ANKS1A: variants seen among roughly 807,000 people sequenced by gnomAD.
The protein encoded by ANKS1A is ankyrin repeat and SAM domain-containing protein 1A.
A neutral mutation model predicts 120.3 loss-of-function variants in ANKS1A; 55 were observed. That is an observed-to-expected ratio of 0.46 (90% CI 0.37 to 0.57). The LOEUF is 0.57. Ranked by LOEUF, ANKS1A falls within the 20% of genes least tolerant of loss-of-function variation. The pLI is 0.00. For synonymous variants in ANKS1A, 590 were observed against 604.7 expected (o/e 0.98, Z 0.36); for missense variants, 1,123 against 1,480.3 (o/e 0.76, Z 3.96).
At chr6:35,093,302 G>C (rs192970343), downstream of ANKS1A, among the ~76,000 whole-genome samples, 25 of 152,258 alleles carry the variant, frequency 1.6e-4, no homozygotes, top group African/African-American at 6.0e-4. Flanking sequence ...GGAGGAGGGA[G>C]TGCAGGGAGA....
At chr6:34,910,349 G>A (rs1197056791) in intron 1 of ANKS1A, among the ~76,000 whole-genome samples, 1 of 152,098 alleles carries the variant, frequency 6.6e-6, no homozygotes, top group East Asian at 1.9e-4. Flanking sequence ...AGGATTGCTC[G>A]AGCTCAGGAG....
At chr6:34,998,938 C>T (rs1289959629) in intron 10 of ANKS1A, among the ~76,000 whole-genome samples, 1 of 152,216 alleles carries the variant, frequency 6.6e-6, no homozygotes, top group Non-Finnish European at 1.5e-5. Context: ...CGGGGGACTC[C>T]AACCAGCCAA....
At chr6:35,061,479 A>G (rs987506606) in intron 13 of ANKS1A, among the ~76,000 whole-genome samples, 1 of 151,916 alleles carries the variant, frequency 6.6e-6, no homozygotes. Context: ...TCTGTTCTCT[A>G]ATGGGGGCTT....
At chr6:34,921,277 T>C (rs974119233) in intron 1 of ANKS1A, among the ~76,000 whole-genome samples, 1 of 152,222 alleles carries the variant, frequency 6.6e-6, no homozygotes, top group African/African-American at 2.4e-5. Flanking sequence ...CATAGTCTCT[T>C]CTGAACACAT....
At chr6:35,004,832 GAA>G (rs1773370351) in intron 10 of ANKS1A, among the ~76,000 whole-genome samples, 1 of 152,196 alleles carries the variant, frequency 6.6e-6, no homozygotes. Flanking sequence ...AAAAAAGAAA[GAA>G]AGTGTGGTGT....
At chr6:34,891,702 A>G (rs1581651930) in intron 1 of ANKS1A, among the ~76,000 whole-genome samples, 1 of 151,630 alleles carries the variant, frequency 6.6e-6, no homozygotes, top group South Asian at 2.1e-4. Context: ...ATCTCAGCTC[A>G]CTGCAACCTT....
At chr6:35,038,654 T>G (rs1352478115) in intron 11 of ANKS1A, among the ~76,000 whole-genome samples, 1 of 151,852 alleles carries the variant, frequency 6.6e-6, no homozygotes, top group Non-Finnish European at 1.5e-5. Flanking sequence ...GCTGTTTTTG[T>G]TTTTGTTTTT....
At chr6:34,890,108 T>G (rs2127436959) in intron 1 of ANKS1A, among the ~76,000 whole-genome samples, 1 of 151,532 alleles carries the variant, frequency 6.6e-6, no homozygotes, top group East Asian at 1.9e-4. Context: ...TTTTTTTCCC[T>G]CGAGACGGAG....
At chr6:35,021,984 T>TAAAA (rs35470171) in intron 11 of ANKS1A, among the ~76,000 whole-genome samples, 1 of 136,082 alleles carries the variant, frequency 7.3e-6, no homozygotes, top group African/African-American at 2.7e-5. Context: ...AGACTCTGTC[T>TAAAA]AAAAAAAAAA....
chr6:35,073,275 A>G (rs1777167393), intron 13 of ANKS1A, among the ~76,000 whole-genome samples: 1 of 152,116 alleles, frequency 6.6e-6, no homozygotes, highest in South Asian at 2.1e-4. Flanking sequence ...GACCCAGGGG[A>G]GCACTTCTTG....
In ANKS1A at chr6:34,983,225, T is replaced by C; in HGVS notation, c.910+11T>C. On this transcript the variant is annotated intron_variant, in intron 6 of 23. Transcript: ENST00000360359. ...CAGCATTAATTGAAGGTATCATCCT[T>C]TCTCCCTGTCTGGGTGACCAGGGGA... The C allele has an allele frequency of 6.2e-7, 1 of 1,613,932 alleles. No individual in the cohort carries two copies.
chr6:34,914,682 A>T (rs936908551), intron 1 of ANKS1A, among the ~76,000 whole-genome samples: 2 of 152,198 alleles, frequency 1.3e-5, no homozygotes, highest in African/African-American at 4.8e-5. Flanking sequence ...TTATTTTATT[A>T]AAAAACAGGC....
intron 1 of ANKS1A, among the ~76,000 whole-genome samples, chr6:34,950,857 G>A (rs1770060647): frequency 6.6e-6 from 1 of 152,330 alleles, no homozygotes; most frequent in South Asian, 2.1e-4. Flanking sequence ...ACCGGGCTGG[G>A]CAGGTGAAAG....
At chr6:35,011,972 A>T (rs1484448281) in intron 10 of ANKS1A, among the ~76,000 whole-genome samples, 3 of 152,186 alleles carry the variant, frequency 2.0e-5, no homozygotes, top group Non-Finnish European at 4.4e-5. Context: ...AGAAAAGGTT[A>T]GGTATTGGAG....
chr6:34,985,722 C>T (rs997597509), intron 8 of ANKS1A, among the ~76,000 whole-genome samples: 3 of 152,190 alleles, frequency 2.0e-5, no homozygotes, highest in Non-Finnish European at 4.4e-5. Context: ...TGAAAGGATT[C>T]TCCATTTGGA....
At chr6:34,976,015 G>A (rs1037962292) in intron 3 of ANKS1A, among the ~76,000 whole-genome samples, 1 of 151,200 alleles carries the variant, frequency 6.6e-6, no homozygotes, top group African/African-American at 2.4e-5. Context: ...GTGCATGCCT[G>A]TAATCCCAGG....
At chr6:34,973,835 C>CCCCTT (rs1771305763) in intron 3 of ANKS1A, among the ~76,000 whole-genome samples, 1 of 120,296 alleles carries the variant, frequency 8.3e-6, no homozygotes, top group African/African-American at 3.7e-5. Context: ...TTACCTCCTT[C>CCCCTT]CCCTTCCCTT....
intron 3 of ANKS1A, among the ~76,000 whole-genome samples, chr6:34,974,650 A>G (rs541036039): frequency 1.3e-5 from 2 of 152,236 alleles, no homozygotes; most frequent in South Asian, 2.1e-4. Flanking sequence ...GGTGCGACTT[A>G]TTAGTTTTGT....
intron 13 of ANKS1A, among the ~76,000 whole-genome samples, chr6:35,063,133 G>T (rs75791894): frequency 7.9e-5 from 12 of 152,318 alleles, no homozygotes; most frequent in Admixed American, 2.6e-4. Context: ...GGGCAGTGGG[G>T]GCTGCCAGGT....
Sources: gnomAD v4.1 joint callset for allele counts (sites outside exome capture counted in the v4.1 genomes callset) on GRCh38, gnomAD v4.1.1 for gene constraint, MANE v1.5 for transcripts, NCBI Gene and HGNC (gene_info 2026-07-23, HGNC 2026-07-21) for gene names.